Variants in KCNH3 observed in about 807,000 individuals in gnomAD.
KCNH3 encodes potassium voltage-gated channel subfamily H member 3.
In KCNH3, 36 loss-of-function variants were observed where a neutral mutation model predicts 95.6. The ratio of observed to expected loss-of-function variants is 0.38; its 90% CI spans 0.29 to 0.50. The LOEUF (loss-of-function observed/expected upper bound fraction) is 0.50. Ranked by LOEUF, KCNH3 falls within the 20% of genes least tolerant of loss-of-function variation. The pLI is 0.95. For missense variants in KCNH3, 1,030 were observed against 1,484.1 expected, an observed-to-expected ratio of 0.69 and a Z score of 5.03; for synonymous variants, 620 against 646.3, an observed-to-expected ratio of 0.96 and a Z score of 0.62.
intron 1 of KCNH3, among the ~76,000 whole-genome samples, chr12:49,540,386 C>G (rs573356269): frequency 1.6e-4 from 24 of 152,322 alleles, no homozygotes; most frequent in Admixed American, 7.2e-4. Context: ...ATCACATTCA[C>G]TAATTCCTGA....
Position 49,549,033 on chromosome 12 carries a change from T to C in KCNH3, c.1328T>C (p.Leu443Pro). The C allele has an allele frequency of 6.2e-7, 1 of 1,612,102 alleles. No individual in the cohort carries two copies. Among genetic ancestry groups the C allele is most frequent in the African/African-American group, 1.3e-5 (1 of 75,032 alleles). Residue 443 changes from leucine (L) to proline (P), a missense_variant, in exon 8 of 15, where the codon CTG becomes CCG. Physicochemically the swap from Leu to Pro is moderately conservative, Grantham distance 98. Transcript: ENST00000257981. Reference sequence around the variant, plus strand: ...GCCAACGGGACGGGGCTGGAGCTGCTGGGCGGCCCGTCGCTGCGCAGCGCC... The same window carrying C: ...GCCAACGGGACGGGGCTGGAGCTGCCGGGCGGCCCGTCGCTGCGCAGCGCC... The part of the protein sequence containing the change: ...SEANGTGLEL[L>P]GGPSLRSAYI...
At chr12:49,541,547 C>T (rs544533806) in intron 2 of KCNH3, 83 bp from the exon 3 acceptor site, 45 of 1,518,542 alleles carry the variant, frequency 3.0e-5, no homozygotes, top group South Asian at 1.7e-4. Flanking sequence ...GTGTCTTGCC[C>T]GGGATGTCAG....
Position 49,542,745 on chromosome 12 carries a change from G to C in KCNH3, c.485G>C (p.Gly162Ala), listed in dbSNP as rs544415516. ...RRRYGRARSK[G>A]FNANRRRSRA... ...CGATATGGCCGGGCACGATCCAAAGGCTTCAATGCCAACCGGCGGCGGAGC... is the reference window on the plus strand; with the variant it reads ...CGATATGGCCGGGCACGATCCAAAGCCTTCAATGCCAACCGGCGGCGGAGC... The change falls in exon 4 of 15, where the codon GGC becomes GCC. Residue 162 changes from glycine (G) to alanine (A), a missense_variant. Gly to Ala is a moderately conservative substitution (Grantham distance 60). Transcript: ENST00000257981. 1 of 1,589,398 alleles carries C rather than the reference G, an allele frequency of 6.3e-7. No individual in the cohort carries two copies. The highest frequency in any genetic ancestry group is 1.1e-5 in the South Asian group (1 of 87,092).
Position 49,544,159 on chromosome 12 carries a change from C to T in KCNH3, c.982-16C>T, listed in dbSNP as rs1346250362. 3 of 1,590,430 alleles carry T rather than the reference C, an allele frequency of 1.9e-6. No homozygotes were observed. In the African/African-American group the frequency reaches 4.0e-5, roughly 21 times the overall value. On this transcript the variant is annotated splice_polypyrimidine_tract_variant and intron_variant, in intron 6 of 14. Transcript: ENST00000257981. The stretch of plus-strand genomic sequence containing the variant: ...GCTGACCTCCCTCCCTCCCTCCCTC[C>T]CTCCCCGCATCTCAGTACTTCGGGG...
Position 49,557,667 on chromosome 12 carries a change from G to A in KCNH3, c.2966G>A (p.Arg989Gln), listed in dbSNP as rs143655453. ...GCGTCTCAGAGCTCCCCCTGGCCTC[G>A]AGCCACAGCTTTCTGGACCTCCACC... ...PPASQSSPWP[R>Q]ATAFWTSTSD... is the part of the protein sequence containing the mutation. Residue 989 changes from arginine to glutamine, a missense_variant, in exon 15 of 15, where the codon CGA becomes CAA. By Grantham distance (43) the Arg-to-Gln change is conservative. Coordinates refer to ENST00000257981, the MANE Select transcript of KCNH3 (RefSeq NM_012284.3). 3.0e-5 allele frequency: 49 copies of A among 1,613,670 alleles called. No homozygotes were observed. The African/African-American group carries it at 4.8e-4, about 16-fold the overall frequency.
At chr12:49,552,854 C>T (rs533522383) in intron 10 of KCNH3, among the ~76,000 whole-genome samples, 2 of 152,190 alleles carry the variant, frequency 1.3e-5, no homozygotes, top group African/African-American at 2.4e-5. Flanking sequence ...GAGATCCAAA[C>T]AGCACTCAAA....
In KCNH3 at chr12:49,544,361, G is replaced by A. The variant is rs375542018; in HGVS notation, c.1168G>A (p.Glu390Lys). Reference protein sequence around the residue: ...YIGQREIESSESELPEIGWLQ... With the variant: ...YIGQREIESSKSELPEIGWLQ... ...TGGCCAGCGGGAGATCGAGAGCAGC[G>A]AATCCGAGCTGCCTGAGATTGGTAC... is the stretch of plus-strand genomic sequence containing the variant. The change falls in exon 7 of 15, where the codon GAA becomes AAA. Residue 390 changes from glutamate (E) to lysine (K), a missense_variant. Physicochemically the swap from Glu to Lys is moderately conservative, Grantham distance 56. Transcript: ENST00000257981. 29 of 1,613,278 alleles carry A rather than the reference G, an allele frequency of 1.8e-5. No individual in the cohort carries two copies. The highest frequency in any genetic ancestry group is 1.7e-4 in the Middle Eastern group (1 of 5,992).
chr12:49,549,285 GC>G, intron 8 of KCNH3, 112 bp downstream of exon 8: 2 of 1,465,154 alleles, frequency 1.4e-6, no homozygotes, highest in Non-Finnish European at 1.8e-6. Flanking sequence ...GCTTTAGGTG[GC>G]CGCGGAACCC....
Position 49,539,380 on chromosome 12 carries a change from C to T in KCNH3, c.-37C>T. On this transcript the variant is annotated 5_prime_UTR_variant, in exon 1 of 15. Transcript: ENST00000257981. The surrounding 1 kb of genome is among the most constrained non-coding windows in gnomAD (Gnocchi z 6.7). Reference sequence around the variant, plus strand: ...CTCCCCCGGCGCGGAGTCCCCGCACCCCGGAGGGATGGGGCGGGCAGCCGC... The same window carrying T: ...CTCCCCCGGCGCGGAGTCCCCGCACTCCGGAGGGATGGGGCGGGCAGCCGC... 1.4e-6 allele frequency: 2 copies of T among 1,466,884 alleles called. No homozygotes were observed. Among genetic ancestry groups the T allele is most frequent in the Non-Finnish European group, 1.8e-6 (2 of 1,110,794 alleles). 90.9% of individuals were successfully genotyped at this position (1,466,884 alleles called of 1,614,324 possible). A position where few individuals can be genotyped will look rare whatever the true frequency, so the allele number is the denominator to read the frequency against.
intron 9 of KCNH3, 37 bp from the exon 10 acceptor site, chr12:49,550,043 T>TGGCCACCCCCC: frequency 7.7e-7 from 1 of 1,299,542 alleles, no homozygotes; most frequent in Non-Finnish European, 1.1e-6. Context: ...CTTCTGCCAC[T>TGGCCACCCCCC]CCCAACCCCC....
intron 9 of KCNH3, 135 bp downstream of exon 9, chr12:49,549,775 C>A: frequency 1.1e-6 from 1 of 878,888 alleles, no homozygotes; most frequent in Non-Finnish European, 1.7e-6. Flanking sequence ...GAGGGGACAG[C>A]GGCATGGGAC....
chr12:49,557,553 C>T lies in KCNH3; in HGVS notation c.2852C>T (p.Pro951Leu), dbSNP rs1238630578. 1 of 1,612,098 alleles carries T rather than the reference C, an allele frequency of 6.2e-7. No individual in the cohort carries two copies. The highest frequency in any genetic ancestry group is 8.5e-7 in the Non-Finnish European group (1 of 1,179,984). Reference sequence around the variant, plus strand: ...GGGGCATCCTCCTACTGCCTGCAGCCCCCAGCTGGCTCTGTCTTGAGTGGG... The same window carrying T: ...GGGGCATCCTCCTACTGCCTGCAGCTCCCAGCTGGCTCTGTCTTGAGTGGG... ...DTGASSYCLQ[P>L]PAGSVLSGTW... Residue 951 changes from proline to leucine, a missense_variant, in exon 15 of 15, where the codon CCC (proline) becomes CTC (leucine). By Grantham distance (98) the Pro-to-Leu change is moderately conservative. Around this residue, in one of 9 missense-constraint regions of KCNH3, gnomAD observed 464 missense variants for 493.2 expected, o/e 0.94. Transcript: ENST00000257981.
rs1938158334 is a variant in KCNH3 at position 49,548,883 on chromosome 12, T to C, written c.1190-12T>C. 1.3e-6 allele frequency: 2 copies of C among 1,554,448 alleles called. No homozygotes were observed. Among genetic ancestry groups the C allele is most frequent in the Non-Finnish European group, 8.7e-7 (1 of 1,150,374 alleles). On this transcript the variant is annotated splice_polypyrimidine_tract_variant and intron_variant, in intron 7 of 14. Coordinates refer to ENST00000257981, the MANE Select transcript of KCNH3 (RefSeq NM_012284.3). ...CTTCCTGCCTGCTCAGGCCCTGCTGTTCCCCCCTCAGGCTGGCTGCAGGAG... is the reference window on the plus strand; with the variant it reads ...CTTCCTGCCTGCTCAGGCCCTGCTGCTCCCCCCTCAGGCTGGCTGCAGGAG...
Position 49,556,358 on chromosome 12 carries a change from C to G in KCNH3, c.2469-12C>G, listed in dbSNP as rs751666422. Reference sequence around the variant, plus strand: ...GTCCATTGATTTGTTGTCCTGGTACCTGGGTTCACAGGGTAGTAGATGGCA... The same window carrying G: ...GTCCATTGATTTGTTGTCCTGGTACGTGGGTTCACAGGGTAGTAGATGGCA... On this transcript the variant is annotated splice_polypyrimidine_tract_variant and intron_variant, in intron 12 of 14. Coordinates refer to ENST00000257981, the MANE Select transcript of KCNH3 (RefSeq NM_012284.3). 1.1e-5 allele frequency: 18 copies of G among 1,597,432 alleles called. No individual in the cohort carries two copies. The African/African-American group carries it at 1.5e-4, about 13-fold the overall frequency.
At chr12:49,551,686 GGT>G (rs1271339845) in intron 10 of KCNH3, among the ~76,000 whole-genome samples, 18 of 152,152 alleles carry the variant, frequency 1.2e-4, no homozygotes, top group African/African-American at 4.1e-4. Flanking sequence ...GACCGGTGTG[GGT>G]AGTCAAGGAC....
chr12:49,557,204 C>T lies in KCNH3; in HGVS notation c.2597C>T (p.Pro866Leu). 6.2e-7 allele frequency: 1 copy of T among 1,613,996 alleles called. No individual in the cohort carries two copies. Among genetic ancestry groups the T allele is most frequent in the South Asian group, 1.1e-5 (1 of 91,076 alleles). Residue 866 changes from proline (P) to leucine (L), a missense_variant, in exon 14 of 15, where the codon CCC (proline) becomes CTC (leucine). By Grantham distance (98) the Pro-to-Leu change is moderately conservative. Around this residue, in one of 9 missense-constraint regions of KCNH3, gnomAD observed 464 missense variants for 493.2 expected, o/e 0.94. Coordinates refer to ENST00000257981, the MANE Select transcript of KCNH3 (RefSeq NM_012284.3). ...ACAGAGAGCGGCCTGCTCACTGTTC[C>T]CCATGGGCCCAGCGAGGCAAGGAAC... ...PGPESGLLTVPHGPSEARNTD... is the reference protein window; with the variant it reads ...PGPESGLLTVLHGPSEARNTD...
In KCNH3 at chr12:49,549,554, C is replaced by A; in HGVS notation, c.1582C>A (p.His528Asn). ...CGACCTGCGCGACTACATCCGCATC[C>A]ACCGTATCCCCAAGCCCCTCAAGCA... ...TRDLRDYIRIHRIPKPLKQRM... is the reference protein window; with the variant it reads ...TRDLRDYIRINRIPKPLKQRM... Residue 528 changes from histidine (H) to asparagine (N), a missense_variant, in exon 9 of 15, where the codon CAC becomes AAC. Physicochemically the swap from His to Asn is moderately conservative, Grantham distance 68 (BLOSUM62 1). This residue lies in a region of KCNH3 where 160 missense variants were observed against 316.2 expected (regional missense o/e 0.51). Transcript: ENST00000257981. 1 of 1,613,556 alleles carries A rather than the reference C, an allele frequency of 6.2e-7. No individual in the cohort carries two copies. The highest frequency in any genetic ancestry group is 8.5e-7 in the Non-Finnish European group (1 of 1,180,040).
chr12:49,539,267 G>T lies in KCNH3; in HGVS notation c.-150G>T, dbSNP rs1250076395. ...GCCCCCTCGCGCGCCAGCGTCCGGC[G>T]CGACCCCGGATCCCGGTCTGCGCAT... On this transcript the variant is annotated 5_prime_UTR_variant, in exon 1 of 15. Coordinates refer to ENST00000257981, the MANE Select transcript of KCNH3 (RefSeq NM_012284.3). The surrounding 1 kb of genome is among the most constrained non-coding windows in gnomAD (Gnocchi z 6.7). The T allele has an allele frequency of 3.6e-6, 1 of 280,730 alleles. No homozygotes were observed. The highest frequency in any genetic ancestry group is 6.2e-6 in the Non-Finnish European group (1 of 160,284). The allele number at this position is 280,730 out of a possible 1,614,324, so 17.4% of individuals were successfully genotyped here.
Position 49,539,331 on chromosome 12 carries a change from C to T in KCNH3, c.-86C>T. ...CTGCGCTAGGGAGCGCGGGGCCCGG[C>T]GGGGGGCGGCCGAGCTGGGCGCCCT... On this transcript the variant is annotated 5_prime_UTR_variant, in exon 1 of 15. Transcript: ENST00000257981. This position sits in a 1 kb window ranked among gnomAD's most constrained non-coding sequence, Gnocchi z 6.7. 1.3e-6 allele frequency: 1 copy of T among 783,330 alleles called. No individual in the cohort carries two copies. Among genetic ancestry groups the T allele is most frequent in the Non-Finnish European group, 1.7e-6 (1 of 572,236 alleles). 48.5% of individuals were successfully genotyped at this position (783,330 alleles called of 1,614,324 possible).
Sources: gnomAD v4.1 joint callset for allele counts (sites outside exome capture counted in the v4.1 genomes callset) on GRCh38, gnomAD v4.1.1 for gene constraint, gnomAD v4.1.1 regional missense constraint, Gnocchi (gnomAD v3.1) non-coding constraint, MANE v1.5 for transcripts, NCBI Gene and HGNC (gene_info 2026-07-23, HGNC 2026-07-21) for gene names.